The following ANKRD50 variants were observed in gnomAD, a reference collection of about 807,000 sequenced individuals.
ANKRD50 encodes the protein ankyrin repeat domain-containing protein 50.
A neutral mutation model predicts 112.0 loss-of-function variants in ANKRD50; 40 were observed. The observed-to-expected ratio is 0.36, with a 90% CI of 0.28 to 0.46. The LOEUF (loss-of-function observed/expected upper bound fraction) is 0.46. Among genes scored for constraint, ANKRD50 ranks in the 20% least tolerant of loss-of-function variants. The pLI is 1.00. For missense variants in ANKRD50, 1,487 were observed against 1,701.7 expected, an observed-to-expected ratio of 0.87 and a Z score of 2.22; for synonymous variants, 613 against 619.1, an observed-to-expected ratio of 0.99 and a Z score of 0.15.
In ANKRD50 at chr4:124,671,732, T is replaced by C. The variant is rs1730660589; in HGVS notation, c.1545A>G (p.Ser515=). 6.2e-7 allele frequency: 1 copy of C among 1,613,810 alleles called. No individual in the cohort carries two copies. Among genetic ancestry groups the C allele is most frequent in the African/African-American group, 1.3e-5 (1 of 74,900 alleles). ...TTTCTAAGGCTTGTCGAACTATGCATGATGTGCGATCGTCTTCACTGTTGA... is the reference window on the plus strand; with the variant it reads ...TTTCTAAGGCTTGTCGAACTATGCACGATGTGCGATCGTCTTCACTGTTGA... The part of the protein sequence containing the change: ...AHVNSEDDRT[S]CIVRQALERE... Residue 515 remains serine, a synonymous_variant, in exon 4 of 5, where the codon TCA becomes TCG. Coordinates refer to ENST00000504087, the MANE Select transcript of ANKRD50 (RefSeq NM_020337.3).
chr4:124,705,590 G>A (rs12501208), intron 2 of ANKRD50, among the ~76,000 whole-genome samples: 10,445 of 152,054 alleles, frequency 0.069, 392 homozygotes, highest in East Asian at 0.14. Context: ...TCTCCAAAAC[G>A]ATTTCTGTTC....
chr4:124,673,719 G>A (rs1267721991), intron 3 of ANKRD50, among the ~76,000 whole-genome samples: 1 of 152,054 alleles, frequency 6.6e-6, no homozygotes, highest in East Asian at 1.9e-4. Flanking sequence ...TGGAGAAAAA[G>A]CTGATGAACT....
In ANKRD50 at chr4:124,669,255, C is replaced by T; in HGVS notation, c.4022G>A (p.Arg1341Gln). Residue 1341 changes from arginine to glutamine, a missense_variant, in exon 4 of 5, where the codon CGA becomes CAA. This residue lies in a region of ANKRD50 where 441 missense variants were observed against 432.2 expected (regional missense o/e 1.02). Transcript: ENST00000504087. ...GTGAATAAGAAACTGCTGTTGAGAT[C>T]GACCAATTTCCTGCTGAGCTGAAGG... ...MIPSAQQEIGRSQQQFLIHQQ... is the reference protein window; with the variant it reads ...MIPSAQQEIGQSQQQFLIHQQ... The T allele has an allele frequency of 2.5e-6, 4 of 1,613,686 alleles. No individual in the cohort carries two copies. Among genetic ancestry groups the T allele is most frequent in the Admixed American group, 1.7e-5 (1 of 59,974 alleles).
chr4:124,667,018 T>G lies in ANKRD50; in HGVS notation c.*500A>C. 1 of 151,970 alleles carries G rather than the reference T, an allele frequency of 6.6e-6. No individual in the cohort carries two copies. Among genetic ancestry groups the G allele is most frequent in the Non-Finnish European group, 1.5e-5 (1 of 67,938 alleles). The allele number at this position is 151,970 out of a possible 1,614,324, so 9.4% of individuals were successfully genotyped here. A position where few individuals can be genotyped will look rare whatever the true frequency, so the allele number is the denominator to read the frequency against. On this transcript the variant is annotated 3_prime_UTR_variant, in exon 5 of 5. Coordinates refer to ENST00000504087, the MANE Select transcript of ANKRD50 (RefSeq NM_020337.3). ...GAAGGTGTAGTGAACATAGAACAGTTGCAAGATTTGTTTTATTGAGCAACG... is the reference window on the plus strand; with the variant it reads ...GAAGGTGTAGTGAACATAGAACAGTGGCAAGATTTGTTTTATTGAGCAACG...
rs141676247 is a variant in ANKRD50 at position 124,669,348 on chromosome 4, A to T, written c.3929T>A (p.Ile1310Lys). 38 of 1,613,596 alleles carry T rather than the reference A, an allele frequency of 2.4e-5. No individual in the cohort carries two copies. Among genetic ancestry groups the T allele is most frequent in the Non-Finnish European group, 5.1e-6 (6 of 1,179,826 alleles). ...EMTQFDRRGP[I>K]AKSGTAAPPK... ...TGGTGCAGCAGTCCCGGATTTGGCT[A>T]TAGGTCCTCTTCTATCAAACTGAGT... The change falls in exon 4 of 5, where the codon ATA becomes AAA. Residue 1310 changes from isoleucine (I) to lysine (K), a missense_variant. Physicochemically the swap from Ile to Lys is moderately radical, Grantham distance 102 (BLOSUM62 -3). This residue lies in a region of ANKRD50 where 441 missense variants were observed against 432.2 expected (regional missense o/e 1.02). Coordinates refer to ENST00000504087, the MANE Select transcript of ANKRD50 (RefSeq NM_020337.3).
Position 124,670,958 on chromosome 4 carries a change from A to T in ANKRD50, c.2319T>A (p.Asp773Glu). ...GGCCATTGTTATCTGTGTGATCTACATCTGCTCCCCCTTCTAGAAGCAAGT... is the reference window on the plus strand; with the variant it reads ...GGCCATTGTTATCTGTGTGATCTACTTCTGCTCCCCCTTCTAGAAGCAAGT... ...VVDLLLEGGA[D>E]VDHTDNNGRT... is the part of the protein sequence containing the mutation. The change falls in exon 4 of 5, where the codon GAT becomes GAA. Residue 773 changes from aspartate (D) to glutamate (E), a missense_variant. Coordinates refer to ENST00000504087, the MANE Select transcript of ANKRD50 (RefSeq NM_020337.3). 1 of 1,613,884 alleles carries T rather than the reference A, an allele frequency of 6.2e-7. No homozygotes were observed. The highest frequency in any genetic ancestry group is 8.5e-7 in the Non-Finnish European group (1 of 1,179,880).
rs1054501230 is a variant in ANKRD50 at position 124,664,335 on chromosome 4, A to G, written c.*3183T>C. The G allele has an allele frequency of 6.6e-6, 1 of 152,024 alleles. No homozygotes were observed. The highest frequency in any genetic ancestry group is 1.5e-5 in the Non-Finnish European group (1 of 67,920). The allele number at this position is 152,024 out of a possible 1,614,324, so 9.4% of individuals were successfully genotyped here. A position where few individuals can be genotyped will look rare whatever the true frequency, so the allele number is the denominator to read the frequency against. ...TTTCTACCTTCCTTTGGACAGTGTT[A>G]TATTTCACTTTCTTCTTTGCAAAAT... is the stretch of plus-strand genomic sequence containing the variant. On this transcript the variant is annotated 3_prime_UTR_variant, in exon 5 of 5. Coordinates refer to ENST00000504087, the MANE Select transcript of ANKRD50 (RefSeq NM_020337.3).
intron 2 of ANKRD50, among the ~76,000 whole-genome samples, chr4:124,680,702 A>C (rs1322044856): frequency 1.3e-5 from 2 of 152,206 alleles, no homozygotes; most frequent in Non-Finnish European, 2.9e-5. Flanking sequence ...ACCACTTCAG[A>C]TATAGCACAC....
chr4:124,670,223 A>C lies in ANKRD50; in HGVS notation c.3054T>G (p.Ser1018=), dbSNP rs1331656924. The change falls in exon 4 of 5, where the codon TCT becomes TCG. Residue 1018 remains serine, a synonymous_variant. Transcript: ENST00000504087. The part of the protein sequence containing the change: ...ADNEKRSALQ[S]AAWQGHVKVV... ...CTTTTACATGGCCCTGCCAGGCTGCAGACTGCAAAGCAGAGCGCTTTTCAT... is the reference window on the plus strand; with the variant it reads ...CTTTTACATGGCCCTGCCAGGCTGCCGACTGCAAAGCAGAGCGCTTTTCAT... 1 of 1,613,700 alleles carries C rather than the reference A, an allele frequency of 6.2e-7. No individual in the cohort carries two copies. Among genetic ancestry groups the C allele is most frequent in the Non-Finnish European group, 8.5e-7 (1 of 1,179,838 alleles).
chr4:124,673,671 GA>G (rs1433066822), intron 3 of ANKRD50, among the ~76,000 whole-genome samples: 1 of 152,100 alleles, frequency 6.6e-6, no homozygotes, highest in Non-Finnish European at 1.5e-5. Context: ...CTGCCAACAG[GA>G]CTGAAAAAGA....
intron 2 of ANKRD50, among the ~76,000 whole-genome samples, chr4:124,682,369 T>C (rs1214859242): frequency 1.3e-5 from 2 of 151,570 alleles, no homozygotes; most frequent in Non-Finnish European, 2.9e-5. Flanking sequence ...CATACTGTTG[T>C]TGCTGGGCAG....
At chr4:124,692,211 C>T (rs1271895863) in intron 2 of ANKRD50, among the ~76,000 whole-genome samples, 2 of 152,092 alleles carry the variant, frequency 1.3e-5, no homozygotes, top group East Asian at 3.9e-4. Flanking sequence ...CATTCTGATC[C>T]CATATATTTT....
chr4:124,692,431 A>C (rs191909601), intron 2 of ANKRD50, among the ~76,000 whole-genome samples: 84 of 152,322 alleles, frequency 5.5e-4, no homozygotes, highest in African/African-American at 1.9e-3. Flanking sequence ...CTTTTAAATT[A>C]AATACATATG....
intron 2 of ANKRD50, 45 bp from the exon 3 acceptor site, chr4:124,678,950 T>A: frequency 2.2e-6 from 3 of 1,374,378 alleles, no homozygotes; most frequent in Non-Finnish European, 3.1e-6. Flanking sequence ...TAAGTGGCTA[T>A]GATGTTAAGA....
At chr4:124,696,812 A>G (rs1725264163) in intron 2 of ANKRD50, among the ~76,000 whole-genome samples, 1 of 152,238 alleles carries the variant, frequency 6.6e-6, no homozygotes, top group South Asian at 2.1e-4. Flanking sequence ...ATATACATTT[A>G]AAATTTATCA....
At chr4:124,697,781 A>G (rs781041202) in intron 2 of ANKRD50, among the ~76,000 whole-genome samples, 41 of 152,334 alleles carry the variant, frequency 2.7e-4, no homozygotes, top group Admixed American at 5.2e-4. Flanking sequence ...AGTTGCTGGT[A>G]TAAGAGGAGA....
In ANKRD50 at chr4:124,710,107, G is replaced by A. The variant is rs148745093; in HGVS notation, c.405C>T (p.Cys135=). 2.1e-3 allele frequency: 3,380 copies of A among 1,614,150 alleles called. 22 individuals are homozygous for A. The highest frequency in any genetic ancestry group is 2.6e-3 in the Middle Eastern group (16 of 6,062). Residue 135 remains cysteine (C), a synonymous_variant, in exon 2 of 5, where the codon TGC becomes TGT. Coordinates refer to ENST00000504087, the MANE Select transcript of ANKRD50 (RefSeq NM_020337.3). ...GFIRGLVAQI[C]RSGLLQGYED... ...CATATCCTTGGAGTAGTCCACTGCG[G>A]CAGATCTGGGCTACTAGACCTCTAA...
In ANKRD50 at chr4:124,710,920, G is replaced by T; in HGVS notation, c.-409C>A. 2 of 422,280 alleles carry T rather than the reference G, an allele frequency of 4.7e-6. No individual in the cohort carries two copies. Among genetic ancestry groups the T allele is most frequent in the East Asian group, 6.6e-5 (2 of 30,302 alleles). The allele number at this position is 422,280 out of a possible 1,614,324, so 26.2% of individuals were successfully genotyped here. A position where few individuals can be genotyped will look rare whatever the true frequency, so the allele number is the denominator to read the frequency against. On this transcript the variant is annotated 5_prime_UTR_variant, in exon 2 of 5. Transcript: ENST00000504087. ...TACAAAATGCTTCTCCAGATTCCAA[G>T]TGTTAATTCTGCATCTGACAATTAG...
At position 124,665,075 on chromosome 4, in the gene ANKRD50, T is replaced by C. The variant is rs2110503269; in HGVS notation, c.*2443A>G. On this transcript the variant is annotated 3_prime_UTR_variant, in exon 5 of 5. Transcript: ENST00000504087. ...CAAAAATATCTATTAAGGAGTTTTA[T>C]ATTTGGAGGACAATTTTTACTTTTT... 1 of 152,056 alleles carries C rather than the reference T, an allele frequency of 6.6e-6. No homozygotes were observed. 9.4% of individuals were successfully genotyped at this position (152,056 alleles called of 1,614,324 possible).
Sources: allele counts gnomAD v4.1 joint callset (sites outside exome capture counted in the v4.1 genomes callset), GRCh38; gene constraint gnomAD v4.1.1; regional missense constraint gnomAD v4.1.1; transcripts MANE v1.5; gene names NCBI Gene and HGNC (gene_info 2026-07-23, HGNC 2026-07-21).